ERC2: variants seen among roughly 807,000 people sequenced by gnomAD.
ERC2 encodes ELKS/RAB6-interacting/CAST family member 2.
ERC2 carries 42 observed loss-of-function variants against 114.8 expected under a neutral mutation model. The observed-to-expected ratio is 0.37, with a 90% CI of 0.29 to 0.47. The LOEUF (loss-of-function observed/expected upper bound fraction) is 0.47, where lower values mean the gene tolerates loss of function less well. ERC2 is among the 20% of genes least tolerant of loss of function. The probability of loss-of-function intolerance (pLI) is 0.99; values close to 1 mark genes in which losing one functional copy is unlikely to be tolerated. For missense variants in ERC2, 939 were observed against 1,150.7 expected, an observed-to-expected ratio of 0.82 and a Z score of 2.66; for synonymous variants, 454 against 425.5, an observed-to-expected ratio of 1.07 and a Z score of -0.82.
At chr3:55,659,822 G>A (rs754152668) in intron 17 of ERC2, among the ~76,000 whole-genome samples, 1 of 151,532 alleles carries the variant, frequency 6.6e-6, no homozygotes, top group Non-Finnish European at 1.5e-5. Context: ...CTCCTCTGCC[G>A]CCTCTGTACC....
chr3:55,566,028 G>A (rs1427883887), intron 17 of ERC2, among the ~76,000 whole-genome samples: 1 of 152,208 alleles, frequency 6.6e-6, no homozygotes, highest in African/African-American at 2.4e-5. Context: ...AGCTTGGGGG[G>A]AAATGTCTTA....
At chr3:55,920,527 T>C (rs1441779651) in intron 13 of ERC2, among the ~76,000 whole-genome samples, 2 of 151,928 alleles carry the variant, frequency 1.3e-5, no homozygotes, top group Non-Finnish European at 2.9e-5. Flanking sequence ...AAGGACATCA[T>C]CTCTCCCTGG....
intron 16 of ERC2, 41 bp downstream of exon 16, chr3:55,699,337 G>A (rs761524837): frequency 6.2e-7 from 1 of 1,610,902 alleles, no homozygotes; most frequent in Admixed American, 1.7e-5. Flanking sequence ...AATATCTAAA[G>A]GGTAAAAGGG....
chr3:55,729,561 G>C (rs1332572540), intron 15 of ERC2, among the ~76,000 whole-genome samples: 1 of 152,020 alleles, frequency 6.6e-6, no homozygotes, highest in African/African-American at 2.4e-5. Context: ...GCCTGTCTGG[G>C]TGTGGTGGCT....
At chr3:55,910,159 G>A (rs1401849326) in intron 13 of ERC2, among the ~76,000 whole-genome samples, 1 of 152,132 alleles carries the variant, frequency 6.6e-6, no homozygotes, top group African/African-American at 2.4e-5. Flanking sequence ...GGAGGCAGAT[G>A]GGGGCAGATC....
chr3:56,271,516 A>G (rs148495527), intron 3 of ERC2, among the ~76,000 whole-genome samples: 1 of 152,356 alleles, frequency 6.6e-6, no homozygotes, highest in African/African-American at 2.4e-5. Flanking sequence ...ACAAGGAATT[A>G]TATGAGAATT....
chr3:55,666,035 A>T (rs2061344262), intron 17 of ERC2, among the ~76,000 whole-genome samples: 1 of 152,178 alleles, frequency 6.6e-6, no homozygotes, highest in Admixed American at 6.5e-5. Context: ...ATTAGCATCT[A>T]TGAAGCCCTT....
At chr3:55,900,188 C>T (rs1461572065) in intron 13 of ERC2, among the ~76,000 whole-genome samples, 1 of 152,164 alleles carries the variant, frequency 6.6e-6, no homozygotes, top group African/African-American at 2.4e-5. Context: ...CCACCCTGCC[C>T]CACAATGCAC....
At chr3:55,684,322 GCACA>G (rs148145445) in intron 16 of ERC2, among the ~76,000 whole-genome samples, 2 of 149,398 alleles carry the variant, frequency 1.3e-5, no homozygotes, top group Non-Finnish European at 3.0e-5. Context: ...ACACACACAC[GCACA>G]CACACACACA....
At chr3:55,852,254 AAATGTGCT>A (rs2061605889) in intron 14 of ERC2, among the ~76,000 whole-genome samples, 1 of 152,184 alleles carries the variant, frequency 6.6e-6, no homozygotes. Context: ...TGATGTAGTA[AAATGTGCT>A]TTACAGTAAT....
intron 3 of ERC2, among the ~76,000 whole-genome samples, chr3:56,280,975 C>T (rs1160366282): frequency 6.6e-6 from 1 of 152,110 alleles, no homozygotes; most frequent in African/African-American, 2.4e-5. Flanking sequence ...AAGTTAAGTG[C>T]TCAATAAAGG....
At chr3:55,827,958 A>C (rs558148763) in intron 14 of ERC2, among the ~76,000 whole-genome samples, 1 of 152,386 alleles carries the variant, frequency 6.6e-6, no homozygotes, top group Non-Finnish European at 1.5e-5. Context: ...GCCTGTGTTC[A>C]GCACGTCCAT....
At chr3:56,069,716 T>C (rs866343341) in intron 7 of ERC2, among the ~76,000 whole-genome samples, 33 of 152,312 alleles carry the variant, frequency 2.2e-4, no homozygotes, top group African/African-American at 7.9e-4. Context: ...AATTGTATTA[T>C]CTAAGGACTG....
chr3:56,458,744 G>C (rs577680221), intron 1 of ERC2, among the ~76,000 whole-genome samples: 1 of 152,234 alleles, frequency 6.6e-6, no homozygotes, highest in South Asian at 2.1e-4. Flanking sequence ...GCGAAACAAA[G>C]AAGGGGGAGG....
chr3:55,684,123 G>A (rs1305337008), intron 16 of ERC2, among the ~76,000 whole-genome samples: 4 of 152,050 alleles, frequency 2.6e-5, no homozygotes, highest in African/African-American at 7.2e-5. Context: ...TGTCAAAATC[G>A]GATTAGAAGA....
At position 55,909,324 on chromosome 3, in the gene ERC2, C is replaced by T. The variant is rs111877636; in HGVS notation, c.2404-20775G>A. Among the ~76,000 whole-genome samples, 656 of 152,326 alleles carry T rather than the reference C, an allele frequency of 4.3e-3. 3 individuals are homozygous for T. The highest frequency in any genetic ancestry group is 0.015 in the African/African-American group (632 of 41,572). On this transcript the variant is annotated intron_variant, in intron 13 of 17. Transcript: ENST00000288221. ...AAAACCAGAGTTCCCTCTCCTGCTC[C>T]AGAAGGTGGCCAAAAGTTTGAGTCC...
At chr3:55,771,251 C>A (rs1227730045) in intron 14 of ERC2, among the ~76,000 whole-genome samples, 1 of 152,186 alleles carries the variant, frequency 6.6e-6, no homozygotes, top group Non-Finnish European at 1.5e-5. Context: ...AACTCATTTA[C>A]ACTCCCACCA....
intron 17 of ERC2, among the ~76,000 whole-genome samples, chr3:55,597,723 A>T (rs2058214286): frequency 6.6e-6 from 1 of 152,192 alleles, no homozygotes; most frequent in Non-Finnish European, 1.5e-5. Context: ...TAGCTCCTGG[A>T]ATGGAGCCTG....
chr3:55,834,976 A>T (rs1019134679), intron 14 of ERC2, among the ~76,000 whole-genome samples: 2 of 151,310 alleles, frequency 1.3e-5, no homozygotes, highest in African/African-American at 4.9e-5. Flanking sequence ...AAACACCTCT[A>T]CGCAAATAAA....
Sources: allele counts gnomAD v4.1 joint callset (sites outside exome capture counted in the v4.1 genomes callset), GRCh38; gene constraint gnomAD v4.1.1; transcripts MANE v1.5; gene names NCBI Gene and HGNC (gene_info 2026-07-23, HGNC 2026-07-21).